ACP7: variants seen among roughly 807,000 people sequenced by gnomAD.
ACP7 encodes the protein acid phosphatase type 7.
ACP7 carries 58 observed loss-of-function variants against 60.6 expected under a neutral mutation model. The ratio of observed to expected loss-of-function variants is 0.96; its 90% confidence interval spans 0.77 to 1.19. The LOEUF (loss-of-function observed/expected upper bound fraction) is 1.19. Ranked by LOEUF, ACP7 falls within the 50% of genes most tolerant of loss-of-function variation. The pLI is 0.00. For synonymous variants in ACP7, 237 were observed against 232.6 expected (o/e 1.02, Z -0.17); for missense variants, 574 against 596.2 (o/e 0.96, Z 0.39).
chr19:39,099,178 G>A (rs748692806), intron 4 of ACP7, 36 bp downstream of exon 4: 8 of 1,480,304 alleles, frequency 5.4e-6, no homozygotes, highest in Non-Finnish European at 7.1e-6. Context: ...AGGGACGGTG[G>A]GGGGCGCGCG....
At chr19:39,095,873 C>T (rs1448703487) in intron 2 of ACP7, among the ~76,000 whole-genome samples, 2 of 152,238 alleles carry the variant, frequency 1.3e-5, no homozygotes, top group African/African-American at 4.8e-5. Context: ...GCTGCCAAGG[C>T]TTGGGGATTG....
rs116613106 is a variant in ACP7 at position 39,102,180 on chromosome 19, G to A, written c.1113+643G>A. On this transcript the variant is annotated intron_variant, in intron 11 of 12. Coordinates refer to ENST00000331256, the MANE Select transcript of ACP7 (RefSeq NM_001004318.3). ...CACAAAAGATACTGGGTGGCTAGGT[G>A]CAGTGGCTCATTCCTGTAATCCCAG... is the stretch of plus-strand genomic sequence containing the variant. Among the ~76,000 whole-genome samples, 673 of 150,996 alleles carry A rather than the reference G, an allele frequency of 4.5e-3. 7 individuals carry two copies. The highest frequency in any genetic ancestry group is 0.015 in the African/African-American group (623 of 41,026).
At chr19:39,102,287 C>G (rs1268548498) in intron 11 of ACP7, among the ~76,000 whole-genome samples, 3 of 151,984 alleles carry the variant, frequency 2.0e-5, no homozygotes, top group Non-Finnish European at 2.9e-5. Flanking sequence ...CCAATGCACT[C>G]TAGCCTGGGT....
chr19:39,087,785 C>T (rs1485456578), intron 2 of ACP7, among the ~76,000 whole-genome samples: 1 of 152,056 alleles, frequency 6.6e-6, no homozygotes, highest in South Asian at 2.1e-4. Context: ...AGGCATGCAC[C>T]ACCACACCTG....
chr19:39,094,375 C>T (rs766025611), intron 2 of ACP7, among the ~76,000 whole-genome samples: 2 of 151,828 alleles, frequency 1.3e-5, no homozygotes, highest in Non-Finnish European at 2.9e-5. Context: ...TGGTGGCACG[C>T]ACCTGTAATC....
chr19:39,107,072 G>T lies in ACP7; in HGVS notation c.1239G>T (p.Val413=), dbSNP rs1171571673. 4 of 1,613,864 alleles carry T rather than the reference G, an allele frequency of 2.5e-6. No individual in the cohort carries two copies. The Admixed American group carries it at 6.7e-5, about 27-fold the overall frequency. ...LNGTHIHIQQ[V]SDDQDGKIVD... ...GGACCCACATCCACATCCAGCAGGT[G>T]TCGGACGACCAGGTCAGTGAGGGGC... is the stretch of plus-strand genomic sequence containing the variant. Residue 413 remains valine (V), a synonymous_variant, in exon 12 of 13, where the codon GTG becomes GTT. Transcript: ENST00000331256.
At chr19:39,102,766 T>TCTTTCTTTCTTTCTTTCTTC (rs2073367730) in intron 11 of ACP7, among the ~76,000 whole-genome samples, 1 of 97,932 alleles carries the variant, frequency 1.0e-5, no homozygotes, top group African/African-American at 3.6e-5. Flanking sequence ...TTTCTTTCTT[T>TCTTTCTTTCTTTCTTTCTTC]CTCTCTCTCT....
At chr19:39,106,855 T>G in intron 11 of ACP7, 92 bp from the exon 12 acceptor site, 1 of 1,506,464 alleles carries the variant, frequency 6.6e-7, no homozygotes, top group Non-Finnish European at 9.0e-7. Flanking sequence ...CTGTCTTCCT[T>G]GAGGGCAGCA....
At chr19:39,089,168 A>T (rs2073177106) in intron 2 of ACP7, among the ~76,000 whole-genome samples, 1 of 151,990 alleles carries the variant, frequency 6.6e-6, no homozygotes, top group Non-Finnish European at 1.5e-5. Context: ...ACCTCAAGTA[A>T]TCTACCCACC....
At chr19:39,100,171 C>A in intron 4 of ACP7, 56 bp from the exon 5 acceptor site, 1 of 1,599,200 alleles carries the variant, frequency 6.3e-7, no homozygotes, top group South Asian at 1.1e-5. Flanking sequence ...TCTCTCAATT[C>A]CAGTGAAAGC....
chr19:39,091,838 G>C (rs542583833), intron 2 of ACP7, among the ~76,000 whole-genome samples: 1 of 152,094 alleles, frequency 6.6e-6, no homozygotes, highest in East Asian at 1.9e-4. Flanking sequence ...TTGAACCTGG[G>C]AGGCGGAGGT....
intron 2 of ACP7, among the ~76,000 whole-genome samples, chr19:39,097,418 G>T (rs2073279183): frequency 7.4e-6 from 1 of 134,592 alleles, no homozygotes; most frequent in Non-Finnish European, 1.7e-5. Context: ...AAAAAAATTA[G>T]CTGGGCATGG....
At chr19:39,107,578 C>CAAAAAAACAAA (rs2073425412) in intron 12 of ACP7, among the ~76,000 whole-genome samples, 1 of 81,226 alleles carries the variant, frequency 1.2e-5, no homozygotes, top group Non-Finnish European at 2.4e-5. Flanking sequence ...GACTCTGTCT[C>CAAAAAAACAAA]AAAAAAAAAA....
At chr19:39,097,196 T>C (rs2073276049) in intron 2 of ACP7, among the ~76,000 whole-genome samples, 1 of 152,114 alleles carries the variant, frequency 6.6e-6, no homozygotes. Context: ...GTGAGACTTA[T>C]TCACTACCAT....
At chr19:39,107,860 T>C (rs1159480118) in intron 12 of ACP7, among the ~76,000 whole-genome samples, 1 of 152,030 alleles carries the variant, frequency 6.6e-6, no homozygotes, top group African/African-American at 2.4e-5. Flanking sequence ...CCCTCCAGCC[T>C]GGGAGACAGA....
Position 39,098,570 on chromosome 19 carries a change from C to T in ACP7, c.234C>T (p.Phe78=). The T allele has an allele frequency of 1.2e-6, 2 of 1,613,654 alleles. No homozygotes were observed. The highest frequency in any genetic ancestry group is 1.7e-6 in the Non-Finnish European group (2 of 1,179,836). The change falls in exon 3 of 13, where the codon TTC becomes TTT. Residue 78 remains phenylalanine (F), a synonymous_variant. Transcript: ENST00000331256. ...TGCCCCTCCGCGCCCAGGGCACCTT[C>T]GTCCCCTTTGTGGACGGGGGCATTC... is the stretch of plus-strand genomic sequence containing the variant. ...GPLPLRAQGT[F]VPFVDGGILR...
At chr19:39,105,314 G>A (rs1434085010) in intron 11 of ACP7, among the ~76,000 whole-genome samples, 6 of 151,396 alleles carry the variant, frequency 4.0e-5, no homozygotes, top group Non-Finnish European at 5.9e-5. Flanking sequence ...TGTGCCCGGC[G>A]TCTCTTTCAT....
chr19:39,098,620 G>A lies in ACP7; in HGVS notation c.284G>A (p.Arg95Gln), dbSNP rs753116753. The change falls in exon 3 of 13, where the codon CGA becomes CAA. Residue 95 changes from arginine (R) to glutamine (Q), a missense_variant. Arg to Gln is a conservative substitution (Grantham distance 43). Coordinates refer to ENST00000331256, the MANE Select transcript of ACP7 (RefSeq NM_001004318.3). ...GILRRKLYIH[R>Q]VTLRKLLPGV... is the part of the protein sequence containing the mutation. ...CTCCGGCGGAAGCTCTACATACACC[G>A]AGTCACGCTTCGCAAGCTGCTGCCA... 3.1e-6 allele frequency: 5 copies of A among 1,613,188 alleles called. No homozygotes were observed. In the East Asian group the frequency reaches 8.9e-5, roughly 29 times the overall value.
intron 2 of ACP7, among the ~76,000 whole-genome samples, chr19:39,086,641 A>AAAG (rs1555766196): frequency 2.7e-5 from 2 of 75,206 alleles, no homozygotes; most frequent in East Asian, 4.9e-4. Flanking sequence ...AAAAAAAAAA[A>AAAG]GGGGGGGGGG....
Sources: allele counts gnomAD v4.1 joint callset (sites outside exome capture counted in the v4.1 genomes callset), GRCh38; gene constraint gnomAD v4.1.1; transcripts MANE v1.5; gene names NCBI Gene and HGNC (gene_info 2026-07-23, HGNC 2026-07-21).